Variants in LRMDA observed in about 807,000 individuals in gnomAD.
The protein encoded by LRMDA is leucine-rich melanocyte differentiation-associated protein.
Under a neutral mutation model 29.8 loss-of-function variants are expected in LRMDA, and 18 were observed. That is an observed-to-expected ratio of 0.60 (90% CI 0.42 to 0.90). The LOEUF (loss-of-function observed/expected upper bound fraction) is 0.90, where lower values mean the gene tolerates loss of function less well. Ranked by LOEUF, LRMDA falls within the 40% of genes least tolerant of loss-of-function variation. The probability of loss-of-function intolerance (pLI) is 0.00; values close to 1 mark genes in which losing one functional copy is unlikely to be tolerated. For synonymous variants in LRMDA, 125 were observed against 109.4 expected (o/e 1.14, Z -0.89); for missense variants, 273 against 273.9 (o/e 1.00, Z 0.02).
chr10:75,706,173 T>C (rs934210176), intron 2 of LRMDA, among the ~76,000 whole-genome samples: 3 of 152,310 alleles, frequency 2.0e-5, no homozygotes, highest in Non-Finnish European at 2.9e-5. Context: ...AAACAAGGAT[T>C]CCATTCTTTT....
chr10:75,463,258 C>T (rs570571873), intron 2 of LRMDA, among the ~76,000 whole-genome samples: 122 of 152,206 alleles, frequency 8.0e-4, no homozygotes, highest in African/African-American at 2.7e-3. Context: ...CACACATCCC[C>T]GGGGAACTTG....
In LRMDA at chr10:76,137,575, A is replaced by G. The variant is rs1308626164; in HGVS notation, c.516+78792A>G. ...TACTTCCCTAAAGAGGGTTAAAAAT[A>G]AGAAAGGCCCTCCTGGGAGTCAGGA... On this transcript the variant is annotated intron_variant, in intron 5 of 6. Transcript: ENST00000611255. 2.0e-5 allele frequency among the ~76,000 whole-genome samples: 3 copies of G among 152,118 alleles called. 1 individual carries two copies. Among genetic ancestry groups the G allele is most frequent in the Non-Finnish European group, 4.4e-5 (3 of 68,020 alleles).
At chr10:76,554,492 A>G (rs889122371) in intron 6 of LRMDA, among the ~76,000 whole-genome samples, 1 of 152,188 alleles carries the variant, frequency 6.6e-6, no homozygotes, top group Non-Finnish European at 1.5e-5. Flanking sequence ...ATCATTGACA[A>G]TATTAATACC....
At chr10:76,067,598 G>A (rs1848805216) in intron 5 of LRMDA, among the ~76,000 whole-genome samples, 1 of 152,168 alleles carries the variant, frequency 6.6e-6, no homozygotes, top group Non-Finnish European at 1.5e-5. Flanking sequence ...ACTGGCTGCT[G>A]TTCTTCAGCT....
chr10:75,844,069 A>G (rs948240320), intron 2 of LRMDA, among the ~76,000 whole-genome samples: 1 of 152,166 alleles, frequency 6.6e-6, no homozygotes, highest in Non-Finnish European at 1.5e-5. Context: ...TAATTGCTGC[A>G]TTACTCTCTT....
intron 2 of LRMDA, among the ~76,000 whole-genome samples, chr10:75,595,870 C>T (rs1394258913): frequency 3.4e-5 from 3 of 87,432 alleles, no homozygotes; most frequent in African/African-American, 8.0e-5. Context: ...TAGGTTACCA[C>T]ATTTTCAGAG....
chr10:75,721,026 G>A (rs1400408480), intron 2 of LRMDA, among the ~76,000 whole-genome samples: 1 of 152,214 alleles, frequency 6.6e-6, no homozygotes, highest in Non-Finnish European at 1.5e-5. Context: ...ACAGAATGCC[G>A]TGGAAGATAG....
chr10:76,475,324 AC>A (rs1842656780), intron 6 of LRMDA, among the ~76,000 whole-genome samples: 1 of 151,876 alleles, frequency 6.6e-6, no homozygotes, highest in South Asian at 2.1e-4. Flanking sequence ...AGTAAATTTT[AC>A]GCTATGTTTA....
Position 75,661,525 on chromosome 10 carries a change from C to A in LRMDA, c.131+223031C>A, listed in dbSNP as rs116330827. 4.7e-3 allele frequency among the ~76,000 whole-genome samples: 722 copies of A among 152,230 alleles called. 9 individuals are homozygous for A. Among genetic ancestry groups the A allele is most frequent in the African/African-American group, 0.017 (690 of 41,526 alleles). On this transcript the variant is annotated intron_variant, in intron 2 of 6. Coordinates refer to ENST00000611255, the MANE Select transcript of LRMDA (RefSeq NM_001305581.2). ...GGACCGTACTTTGAGTAGCAAGGAGCTAGTTGGTTGATGAGAACCAAGGTC... is the reference window on the plus strand; with the variant it reads ...GGACCGTACTTTGAGTAGCAAGGAGATAGTTGGTTGATGAGAACCAAGGTC...
chr10:75,884,630 C>T (rs1422446384), intron 2 of LRMDA, among the ~76,000 whole-genome samples: 1 of 152,190 alleles, frequency 6.6e-6, no homozygotes, highest in African/African-American at 2.4e-5. Context: ...TCTGGATTTC[C>T]TTATTACATG....
At chr10:76,306,394 G>C (rs979443225) in intron 5 of LRMDA, among the ~76,000 whole-genome samples, 1 of 152,210 alleles carries the variant, frequency 6.6e-6, no homozygotes, top group Middle Eastern at 3.2e-3. Flanking sequence ...GCTAAGCAGA[G>C]AATCCTGCCT....
At chr10:75,745,021 A>G (rs1301130751) in intron 2 of LRMDA, among the ~76,000 whole-genome samples, 3 of 152,062 alleles carry the variant, frequency 2.0e-5, no homozygotes, top group Admixed American at 2.0e-4. Flanking sequence ...CTCTGCTCAC[A>G]CTGTTCCCTT....
intron 5 of LRMDA, among the ~76,000 whole-genome samples, chr10:76,201,184 C>A (rs1354833431): frequency 6.7e-6 from 1 of 150,172 alleles, no homozygotes; most frequent in East Asian, 2.0e-4. Flanking sequence ...GTAACCTCTA[C>A]CTCCTGGGTA....
chr10:75,618,194 T>C (rs1841128770), intron 2 of LRMDA, among the ~76,000 whole-genome samples: 1 of 152,146 alleles, frequency 6.6e-6, no homozygotes, highest in South Asian at 2.1e-4. Flanking sequence ...TTTTCTTCTC[T>C]TTGTAAGTAA....
chr10:75,918,515 G>A (rs569085659), intron 2 of LRMDA, among the ~76,000 whole-genome samples: 102 of 152,198 alleles, frequency 6.7e-4, no homozygotes, highest in South Asian at 4.6e-3. Context: ...CACTAGGACA[G>A]CACCAAGGGG....
chr10:76,485,654 C>T (rs1438210156), intron 6 of LRMDA, among the ~76,000 whole-genome samples: 1 of 151,572 alleles, frequency 6.6e-6, no homozygotes, highest in Non-Finnish European at 1.5e-5. Context: ...TTTCTTTTTC[C>T]TTCAATAATT....
intron 2 of LRMDA, among the ~76,000 whole-genome samples, chr10:75,966,784 T>C (rs1355675726): frequency 6.6e-6 from 1 of 152,238 alleles, no homozygotes; most frequent in East Asian, 1.9e-4. Flanking sequence ...TTTTGTGACC[T>C]TGGGCAAATT....
At chr10:76,288,017 A>C (rs1483696520) in intron 5 of LRMDA, among the ~76,000 whole-genome samples, 1 of 152,186 alleles carries the variant, frequency 6.6e-6, no homozygotes, top group Non-Finnish European at 1.5e-5. Flanking sequence ...CAAAAACCAA[A>C]ATTTCAACAT....
intron 6 of LRMDA, among the ~76,000 whole-genome samples, chr10:76,503,089 G>A (rs1232543165): frequency 6.6e-6 from 1 of 151,870 alleles, no homozygotes; most frequent in Non-Finnish European, 1.5e-5. Flanking sequence ...AGTCTGTTGA[G>A]TGTTTTTATC....
Sources: gnomAD v4.1 joint callset for allele counts (sites outside exome capture counted in the v4.1 genomes callset) on GRCh38, gnomAD v4.1.1 for gene constraint, MANE v1.5 for transcripts, NCBI Gene and HGNC (gene_info 2026-07-23, HGNC 2026-07-21) for gene names.